KAT2B: variants seen among roughly 807,000 people sequenced by gnomAD.
KAT2B encodes the protein lysine acetyltransferase 2B, also known as histone acetyltransferase KAT2B.
In KAT2B, 36 loss-of-function variants were observed where a neutral mutation model predicts 105.9. The observed-to-expected ratio is 0.34, with a 90% CI of 0.26 to 0.45. KAT2B has a LOEUF of 0.45. Among genes scored for constraint, KAT2B ranks in the 20% least tolerant of loss-of-function variants. KAT2B has a pLI of 1.00. For synonymous variants in KAT2B, 397 were observed against 377.9 expected, an observed-to-expected ratio of 1.05 and a Z score of -0.59; for missense variants, 820 against 1,021.6, an observed-to-expected ratio of 0.80 and a Z score of 2.69.
chr3:20,095,232 C>G (rs753979254), intron 2 of KAT2B, 31 bp from the exon 3 acceptor site: 1 of 1,591,500 alleles, frequency 6.3e-7, no homozygotes, highest in East Asian at 2.2e-5. Flanking sequence ...CAATTGAGGT[C>G]TTACATATGT....
intron 11 of KAT2B, among the ~76,000 whole-genome samples, chr3:20,132,490 G>A (rs1178675650): frequency 6.6e-6 from 1 of 152,214 alleles, no homozygotes; most frequent in Non-Finnish European, 1.5e-5. Flanking sequence ...GTTAGAAAAT[G>A]ATCCTTTTGA....
Position 20,060,507 on chromosome 3 carries a change from A to G in KAT2B, c.304-11826A>G, listed in dbSNP as rs377460406. Among the ~76,000 whole-genome samples, 243 of 152,348 alleles carry G rather than the reference A, an allele frequency of 1.6e-3. 2 individuals are homozygous for G. The South Asian group carries it at 0.023, about 14-fold the overall frequency. ...TCCCAGCTACTGGGGAGGCTGAGGC[A>G]GGAGAATCTCTTAAACCCAGGAGGC... is the stretch of plus-strand genomic sequence containing the variant. On this transcript the variant is annotated intron_variant, in intron 1 of 17. Transcript: ENST00000263754.
At chr3:20,144,608 T>TC (rs1209079903) in intron 13 of KAT2B, among the ~76,000 whole-genome samples, 3 of 150,812 alleles carry the variant, frequency 2.0e-5, no homozygotes, top group Non-Finnish European at 4.4e-5. Flanking sequence ...TTTTCTTTTT[T>TC]TTTTTTAAGA....
chr3:20,120,705 G>A (rs1014447215), intron 8 of KAT2B, among the ~76,000 whole-genome samples: 2 of 152,116 alleles, frequency 1.3e-5, no homozygotes, highest in African/African-American at 4.8e-5. Flanking sequence ...TCTACCACAT[G>A]GGCAAAAATA....
At chr3:20,108,754 C>T (rs1258012048) in intron 5 of KAT2B, among the ~76,000 whole-genome samples, 3 of 152,108 alleles carry the variant, frequency 2.0e-5, no homozygotes, top group South Asian at 2.1e-4. Context: ...GAGTGGTGGG[C>T]GAGTGAGCAT....
intron 17 of KAT2B, among the ~76,000 whole-genome samples, chr3:20,151,067 G>C (rs1427166901): frequency 3.3e-5 from 5 of 152,130 alleles, no homozygotes; most frequent in Non-Finnish European, 5.9e-5. Flanking sequence ...AGTCACACTT[G>C]GATGGGACAT....
chr3:20,133,589 A>T (rs573224177), intron 11 of KAT2B, among the ~76,000 whole-genome samples: 2 of 152,284 alleles, frequency 1.3e-5, no homozygotes, highest in East Asian at 3.9e-4. Flanking sequence ...ATATTTGCTT[A>T]TTTCTGGTAA....
chr3:20,143,065 A>C (rs1317380135), intron 13 of KAT2B, among the ~76,000 whole-genome samples: 1 of 152,170 alleles, frequency 6.6e-6, no homozygotes, highest in South Asian at 2.1e-4. Context: ...ATAAGGAGAC[A>C]TGCAAAGACT....
chr3:20,072,087 G>A (rs1698333618), intron 1 of KAT2B, among the ~76,000 whole-genome samples: 2 of 151,570 alleles, frequency 1.3e-5, no homozygotes. Flanking sequence ...AAAGTGTGTG[G>A]GTCAGCTGCG....
intron 11 of KAT2B, among the ~76,000 whole-genome samples, chr3:20,127,978 C>T (rs57379127): frequency 5.3e-5 from 8 of 152,146 alleles, no homozygotes; most frequent in South Asian, 2.1e-4. Flanking sequence ...CTGTGCAGCC[C>T]GGTCCCTAAC....
intron 6 of KAT2B, among the ~76,000 whole-genome samples, chr3:20,112,010 C>T (rs1348151032): frequency 1.3e-5 from 2 of 152,178 alleles, no homozygotes; most frequent in Non-Finnish European, 2.9e-5. Context: ...CCCTTATCCC[C>T]TCCTCGTCCT....
intron 9 of KAT2B, among the ~76,000 whole-genome samples, chr3:20,123,299 A>C (rs1699344339): frequency 6.6e-6 from 1 of 152,176 alleles, no homozygotes; most frequent in South Asian, 2.1e-4. Context: ...ACTGTATCTC[A>C]TAAGGAAGCT....
chr3:20,095,439 T>A (rs1174746238), intron 3 of KAT2B, 31 bp downstream of exon 3: 1 of 1,479,802 alleles, frequency 6.8e-7, no homozygotes, highest in Admixed American at 1.8e-5. Context: ...AAACATTTTC[T>A]CTCATTATTC....
At chr3:20,052,700 G>T (rs1697935805) in intron 1 of KAT2B, among the ~76,000 whole-genome samples, 1 of 151,968 alleles carries the variant, frequency 6.6e-6, no homozygotes, top group Non-Finnish European at 1.5e-5. Context: ...GGGCACGGTG[G>T]CTCATGCCTG....
chr3:20,043,191 A>G (rs1208565072), intron 1 of KAT2B, among the ~76,000 whole-genome samples: 1 of 152,170 alleles, frequency 6.6e-6, no homozygotes, highest in African/African-American at 2.4e-5. Flanking sequence ...GGCATGGGCC[A>G]CCATGCCTGG....
At chr3:20,149,977 T>A (rs1699843732) in intron 17 of KAT2B, among the ~76,000 whole-genome samples, 1 of 152,266 alleles carries the variant, frequency 6.6e-6, no homozygotes. Context: ...GCACATGCAC[T>A]CTGATGACGT....
intron 1 of KAT2B, among the ~76,000 whole-genome samples, chr3:20,068,739 C>T (rs1173556297): frequency 6.6e-6 from 1 of 152,148 alleles, no homozygotes; most frequent in Non-Finnish European, 1.5e-5. Context: ...TGCATAACTG[C>T]TTGGCTTGAA....
intron 2 of KAT2B, among the ~76,000 whole-genome samples, chr3:20,094,389 C>T (rs1467771979): frequency 6.6e-6 from 1 of 152,042 alleles, no homozygotes; most frequent in East Asian, 1.9e-4. Flanking sequence ...CAGGTCCCTC[C>T]CTTGACATGT....
At chr3:20,146,187 C>T in intron 13 of KAT2B, 129 bp from the exon 14 acceptor site, 2 of 645,822 alleles carry the variant, frequency 3.1e-6, no homozygotes, top group Non-Finnish European at 5.6e-6. Context: ...AAATAGCATT[C>T]ACCCCTTTCT....
Sources: gnomAD v4.1 joint callset for allele counts (sites outside exome capture counted in the v4.1 genomes callset) on GRCh38, gnomAD v4.1.1 for gene constraint, MANE v1.5 for transcripts, NCBI Gene and HGNC (gene_info 2026-07-23, HGNC 2026-07-21) for gene names.